DLG2: variants seen among roughly 807,000 people sequenced by gnomAD.
DLG2 encodes the protein discs large MAGUK scaffold protein 2.
In DLG2, 45 loss-of-function variants were observed where a neutral mutation model predicts 132.5. The observed-to-expected ratio is 0.34, with a 90% CI of 0.27 to 0.44. DLG2 has a LOEUF of 0.44. DLG2 is among the 20% of genes least tolerant of loss of function. DLG2 has a pLI of 1.00. For missense variants in DLG2, 1,045 were observed against 1,196.9 expected (o/e 0.87, Z 1.87); for synonymous variants, 424 against 419.6 (o/e 1.01, Z -0.13).
At chr11:83,821,202 CT>C (rs1404451489) in intron 17 of DLG2, among the ~76,000 whole-genome samples, 1 of 152,122 alleles carries the variant, frequency 6.6e-6, no homozygotes, top group Non-Finnish European at 1.5e-5. Context: ...TGTTCAGAAC[CT>C]GAGCAGAGAA....
intron 17 of DLG2, 113 bp from the exon 18 acceptor site, chr11:83,786,905 A>T: frequency 1.3e-6 from 1 of 741,844 alleles, no homozygotes; most frequent in South Asian, 1.7e-5. Context: ...TGCCTCAGAA[A>T]CCCCTCATAT....
At position 84,817,236 on chromosome 11, in the gene DLG2, A is replaced by C. The variant is rs183087089; in HGVS notation, c.358-282505T>G. 3.9e-5 allele frequency among the ~76,000 whole-genome samples: 6 copies of C among 152,150 alleles called. No homozygotes were observed. In the East Asian group the frequency reaches 1.2e-3, roughly 30 times the overall value. On this transcript the variant is annotated intron_variant, in intron 6 of 27. Transcript: ENST00000376104. ...TTCAGTTGAACTGTTTGAGTGGCTC[A>C]AAGCAAGTTACTTTTTCTAGGCAGC...
At chr11:84,466,747 T>C (rs960376757) in intron 7 of DLG2, among the ~76,000 whole-genome samples, 5 of 151,388 alleles carry the variant, frequency 3.3e-5, no homozygotes, top group African/African-American at 1.2e-4. Context: ...GACTCTTTCC[T>C]ATAATTCAGA....
intron 11 of DLG2, among the ~76,000 whole-genome samples, chr11:84,000,917 T>G (rs368947941): frequency 6.6e-6 from 1 of 151,766 alleles, no homozygotes; most frequent in Non-Finnish European, 1.5e-5. Context: ...CACAAATGTA[T>G]AAAACTCACT....
intron 6 of DLG2, among the ~76,000 whole-genome samples, chr11:84,735,885 T>C (rs888033519): frequency 3.9e-5 from 6 of 152,142 alleles, no homozygotes; most frequent in African/African-American, 9.6e-5. Context: ...TCAGTGTCTT[T>C]TGAATACCAG....
chr11:84,121,819 C>A (rs1382535895), intron 9 of DLG2, among the ~76,000 whole-genome samples: 3 of 151,472 alleles, frequency 2.0e-5, no homozygotes, highest in Admixed American at 2.0e-4. Context: ...CCTCAGCCTC[C>A]CAAAGTGCTG....
chr11:83,955,555 G>A (rs2086626856), intron 14 of DLG2, among the ~76,000 whole-genome samples: 1 of 152,108 alleles, frequency 6.6e-6, no homozygotes, highest in South Asian at 2.1e-4. Context: ...CCCCTGATTG[G>A]TTCTTTCTGG....
At chr11:84,246,122 C>T (rs1234387900) in intron 8 of DLG2, among the ~76,000 whole-genome samples, 1 of 152,220 alleles carries the variant, frequency 6.6e-6, no homozygotes, top group Non-Finnish European at 1.5e-5. Flanking sequence ...GGTACAATGG[C>T]ACCCCACTCA....
intron 17 of DLG2, among the ~76,000 whole-genome samples, chr11:83,800,242 A>G (rs1237162349): frequency 1.3e-5 from 2 of 152,194 alleles, no homozygotes; most frequent in Non-Finnish European, 2.9e-5. Flanking sequence ...AAGCCCCTTC[A>G]TCTCTCTGGG....
intron 16 of DLG2, among the ~76,000 whole-genome samples, chr11:83,846,053 A>G (rs565001915): frequency 6.6e-6 from 1 of 152,384 alleles, no homozygotes; most frequent in African/African-American, 2.4e-5. Flanking sequence ...GTTAAGTACC[A>G]AATGAGTATT....
chr11:84,807,416 A>G (rs1326853264), intron 6 of DLG2, among the ~76,000 whole-genome samples: 1 of 152,224 alleles, frequency 6.6e-6, no homozygotes, highest in Non-Finnish European at 1.5e-5. Flanking sequence ...ATTGCACTCC[A>G]GCCTGGGCGA....
intron 6 of DLG2, among the ~76,000 whole-genome samples, chr11:84,744,412 A>G (rs1219050678): frequency 6.6e-6 from 1 of 152,138 alleles, no homozygotes; most frequent in East Asian, 1.9e-4. Context: ...GCTGTGGCAA[A>G]TTTCTGCATG....
chr11:83,879,854 C>A (rs56087878), intron 15 of DLG2, among the ~76,000 whole-genome samples: 323 of 152,292 alleles, frequency 2.1e-3, no homozygotes, highest in African/African-American at 7.7e-3. Flanking sequence ...GCAAATAAAT[C>A]ATTTGGCCCA....
chr11:83,627,610 T>C (rs1409153098), intron 19 of DLG2, among the ~76,000 whole-genome samples: 1 of 152,228 alleles, frequency 6.6e-6, no homozygotes, highest in Non-Finnish European at 1.5e-5. Flanking sequence ...ATCCAGTCTA[T>C]TGTTGGTGGA....
intron 6 of DLG2, among the ~76,000 whole-genome samples, chr11:84,652,466 G>A (rs960753501): frequency 2.0e-5 from 3 of 152,102 alleles, no homozygotes; most frequent in Non-Finnish European, 4.4e-5. Flanking sequence ...AGACCAAACA[G>A]GAGCAGGATC....
chr11:84,550,694 T>C (rs2154524018), intron 6 of DLG2, among the ~76,000 whole-genome samples: 1 of 152,322 alleles, frequency 6.6e-6, no homozygotes, highest in South Asian at 2.1e-4. Flanking sequence ...GGCATATATA[T>C]CCTCTGTGAC....
At chr11:85,017,865 T>C (rs1242917634) in intron 6 of DLG2, among the ~76,000 whole-genome samples, 1 of 152,164 alleles carries the variant, frequency 6.6e-6, no homozygotes, top group Non-Finnish European at 1.5e-5. Context: ...TAGCGAAAAC[T>C]GACCAAAAGA....
chr11:83,532,024 C>T (rs1440847175), intron 21 of DLG2, among the ~76,000 whole-genome samples: 2 of 151,926 alleles, frequency 1.3e-5, no homozygotes, highest in Admixed American at 6.6e-5. Context: ...ACTGTCAATG[C>T]ATATAGGGTT....
chr11:83,851,997 T>C (rs1261722191), intron 16 of DLG2, among the ~76,000 whole-genome samples: 2 of 150,312 alleles, frequency 1.3e-5, no homozygotes, highest in Non-Finnish European at 3.0e-5. Flanking sequence ...TGGAGGCCAG[T>C]GTTGGAGTGG....
Sources: allele counts gnomAD v4.1 joint callset (sites outside exome capture counted in the v4.1 genomes callset), GRCh38; gene constraint gnomAD v4.1.1; transcripts MANE v1.5; gene names NCBI Gene and HGNC (gene_info 2026-07-23, HGNC 2026-07-21).